Variants in ABCC5 observed in about 807,000 individuals in gnomAD.
The protein encoded by ABCC5 is ATP binding cassette subfamily C member 5.
A neutral mutation model predicts 160.9 loss-of-function variants in ABCC5; 61 were observed. The ratio of observed to expected loss-of-function variants is 0.38; its 90% confidence interval spans 0.31 to 0.47. The LOEUF is 0.47. ABCC5 is among the 20% of genes least tolerant of loss of function. The pLI is 0.99. For missense variants in ABCC5, 1,308 were observed against 1,813.3 expected, an observed-to-expected ratio of 0.72 and a Z score of 5.06; for synonymous variants, 666 against 700.6, an observed-to-expected ratio of 0.95 and a Z score of 0.78.
intron 17 of ABCC5, among the ~76,000 whole-genome samples, chr3:183,959,443 G>A (rs1193876786): frequency 3.9e-5 from 6 of 152,118 alleles, no homozygotes; most frequent in Non-Finnish European, 5.9e-5. Context: ...CCCACCATTC[G>A]ATTTTTCCTT....
intron 10 of ABCC5, among the ~76,000 whole-genome samples, chr3:183,972,804 C>T (rs1717883731): frequency 6.6e-6 from 1 of 151,998 alleles, no homozygotes; most frequent in Non-Finnish European, 1.5e-5. Flanking sequence ...GCCACCATGC[C>T]CGGCTAATTT....
intron 25 of ABCC5, among the ~76,000 whole-genome samples, chr3:183,941,756 G>A (rs1004961915): frequency 3.9e-5 from 6 of 151,956 alleles, no homozygotes; most frequent in Non-Finnish European, 8.8e-5. Context: ...AGGCTGAGGC[G>A]GGTGGATCAT....
chr3:184,003,611 A>C (rs1011465879), intron 2 of ABCC5, among the ~76,000 whole-genome samples: 5 of 152,216 alleles, frequency 3.3e-5, no homozygotes, highest in African/African-American at 1.2e-4. Context: ...CTTGAGCATC[A>C]GCTCACTTAT....
At chr3:183,989,492 G>T in intron 2 of ABCC5, 109 bp from the exon 3 acceptor site, 1 of 1,159,526 alleles carries the variant, frequency 8.6e-7, no homozygotes, top group Non-Finnish European at 1.2e-6. Flanking sequence ...TCTTAACTGA[G>T]AAATTCCAAG....
At position 183,987,703 on chromosome 3, in the gene ABCC5, A is replaced by G. The variant is rs1444299880; in HGVS notation, c.591+67T>C. ...AGCTGAGCACAACCTCTGCAACAGAATAAGAGTGTTAGAGCTGGCCGTGGC... is the reference window on the plus strand; with the variant it reads ...AGCTGAGCACAACCTCTGCAACAGAGTAAGAGTGTTAGAGCTGGCCGTGGC... On this transcript the variant is annotated intron_variant, in intron 5 of 29. Coordinates refer to ENST00000334444, the MANE Select transcript of ABCC5 (RefSeq NM_005688.4). The surrounding 1 kb of genome is among the most constrained non-coding windows in gnomAD (Gnocchi z 4.2). 5 of 1,605,570 alleles carry G rather than the reference A, an allele frequency of 3.1e-6. No homozygotes were observed. The highest frequency in any genetic ancestry group is 4.3e-6 in the Non-Finnish European group (5 of 1,174,838).
At chr3:183,990,459 G>A (rs1284435179) in intron 2 of ABCC5, among the ~76,000 whole-genome samples, 1 of 152,118 alleles carries the variant, frequency 6.6e-6, no homozygotes, top group Non-Finnish European at 1.5e-5. Flanking sequence ...ATTACCAAAT[G>A]TTTTATCTTC....
At chr3:183,968,134 T>C (rs1182507776) in intron 11 of ABCC5, among the ~76,000 whole-genome samples, 1 of 152,154 alleles carries the variant, frequency 6.6e-6, no homozygotes, top group Non-Finnish European at 1.5e-5. Flanking sequence ...TTTATTATTA[T>C]TATTATTATT....
chr3:183,939,230 C>T lies in ABCC5; in HGVS notation c.3695-1170G>A, dbSNP rs367958248. Reference sequence around the variant, plus strand: ...GGCAGATCACCTGAGGTCAGGAGTTCGAGACCAACCTGGCCAACATGGTGA... The same window carrying T: ...GGCAGATCACCTGAGGTCAGGAGTTTGAGACCAACCTGGCCAACATGGTGA... On this transcript the variant is annotated intron_variant, in intron 25 of 29. Coordinates refer to ENST00000334444, the MANE Select transcript of ABCC5 (RefSeq NM_005688.4). Among the ~76,000 whole-genome samples, 179 of 152,226 alleles carry T rather than the reference C, an allele frequency of 1.2e-3. 1 individual carries two copies. Among genetic ancestry groups the T allele is most frequent in the African/African-American group, 4.2e-3 (174 of 41,538 alleles).
chr3:183,957,692 G>T (rs1388066306), intron 17 of ABCC5, among the ~76,000 whole-genome samples: 2 of 151,706 alleles, frequency 1.3e-5, no homozygotes, highest in African/African-American at 2.4e-5. Flanking sequence ...AGATCCGTGT[G>T]TATATCACAT....
intron 2 of ABCC5, among the ~76,000 whole-genome samples, chr3:184,004,506 CAA>C (rs34319740): frequency 0.017 from 1,335 of 77,224 alleles, 16 homozygotes; most frequent in African/African-American, 0.052. Flanking sequence ...GACTCCGTCT[CAA>C]AAAAAAAAAA....
rs1453341305 is a variant in ABCC5 at position 183,949,544 on chromosome 3, C to T, written c.3227+209G>A. ...TAGGCACGTGATGCCGCATGCGGCC[C>T]AAATCTGTATTTCTGTTTTCTCACT... On this transcript the variant is annotated intron_variant, in intron 22 of 29. Coordinates refer to ENST00000334444, the MANE Select transcript of ABCC5 (RefSeq NM_005688.4). This position sits in a 1 kb window ranked among gnomAD's most constrained non-coding sequence, Gnocchi z 4.2. Among the ~76,000 whole-genome samples, 1 of 152,236 alleles carries T rather than the reference C, an allele frequency of 6.6e-6. No individual in the cohort carries two copies. Among genetic ancestry groups the T allele is most frequent in the Non-Finnish European group, 1.5e-5 (1 of 68,052 alleles).
intron 29 of ABCC5, among the ~76,000 whole-genome samples, chr3:183,922,527 G>A (rs530183260): frequency 1.3e-5 from 2 of 152,214 alleles, no homozygotes; most frequent in Admixed American, 1.3e-4. Flanking sequence ...AGAATGTCTA[G>A]TTGTCAGGGG....
chr3:183,955,147 C>A (rs1303052504), intron 17 of ABCC5, among the ~76,000 whole-genome samples: 1 of 152,014 alleles, frequency 6.6e-6, no homozygotes, highest in Non-Finnish European at 1.5e-5. Flanking sequence ...GGTGTCAGAC[C>A]CTCTGGAGAG....
intron 17 of ABCC5, among the ~76,000 whole-genome samples, chr3:183,956,223 A>T (rs13097142): frequency 3.5e-3 from 259 of 74,888 alleles, no homozygotes; most frequent in African/African-American, 3.9e-3. Flanking sequence ...TCCGTGTGTA[A>T]ATCACATCGG....
intron 2 of ABCC5, among the ~76,000 whole-genome samples, chr3:183,995,091 C>G (rs1720157546): frequency 6.6e-6 from 1 of 151,972 alleles, no homozygotes; most frequent in African/African-American, 2.4e-5. Context: ...AGCGATCCTC[C>G]CACCTTGACC....
chr3:184,008,443 C>A (rs887809463), intron 2 of ABCC5, among the ~76,000 whole-genome samples: 6 of 152,164 alleles, frequency 3.9e-5, no homozygotes, highest in African/African-American at 1.4e-4. Flanking sequence ...CAGCCTAATG[C>A]CAGCCAAAGT....
intron 27 of ABCC5, 65 bp downstream of exon 27, chr3:183,928,682 C>A (rs927352366): frequency 2.0e-4 from 286 of 1,451,734 alleles, no homozygotes; most frequent in Non-Finnish European, 2.5e-4. Context: ...CGGGGTGTGG[C>A]AAGGGCACTG....
intron 2 of ABCC5, among the ~76,000 whole-genome samples, chr3:183,998,985 G>C (rs1339877736): frequency 6.6e-6 from 1 of 151,976 alleles, no homozygotes; most frequent in African/African-American, 2.4e-5. Flanking sequence ...AGCTACTCGG[G>C]AGGGTGAGGC....
intron 2 of ABCC5, among the ~76,000 whole-genome samples, chr3:184,002,779 C>A (rs770645033): frequency 1.3e-5 from 2 of 152,206 alleles, no homozygotes; most frequent in Non-Finnish European, 2.9e-5. Flanking sequence ...CAATCCAATC[C>A]CTTCCTGGAG....
Sources: gnomAD v4.1 joint callset for allele counts (sites outside exome capture counted in the v4.1 genomes callset) on GRCh38, gnomAD v4.1.1 for gene constraint, Gnocchi (gnomAD v3.1) non-coding constraint, MANE v1.5 for transcripts, NCBI Gene and HGNC (gene_info 2026-07-23, HGNC 2026-07-21) for gene names.